Variants in FAM185A observed in about 807,000 individuals in gnomAD.
FAM185A encodes family with sequence similarity 185 member A.
In FAM185A, 21 loss-of-function variants were observed where a neutral mutation model predicts 45.7. The ratio of observed to expected loss-of-function variants is 0.46; its 90% CI spans 0.33 to 0.66. The LOEUF (loss-of-function observed/expected upper bound fraction) is 0.66, where lower values mean the gene tolerates loss of function less well. Among genes scored for constraint, FAM185A ranks in the 30% least tolerant of loss-of-function variants. FAM185A has a pLI of 0.03. For missense variants in FAM185A, 305 were observed against 485.4 expected (o/e 0.63, Z 3.49); for synonymous variants, 117 against 194.0 (o/e 0.60, Z 3.30).
intron 6 of FAM185A, among the ~76,000 whole-genome samples, chr7:102,784,791 C>G (rs1183389646): frequency 2.6e-5 from 4 of 152,184 alleles, no homozygotes; most frequent in African/African-American, 4.8e-5. Flanking sequence ...GATGCCCTCT[C>G]TCACCACTCC....
At chr7:102,801,488 A>G (rs1796787551) in intron 7 of FAM185A, among the ~76,000 whole-genome samples, 2 of 152,232 alleles carry the variant, frequency 1.3e-5, no homozygotes, top group Admixed American at 1.3e-4. Context: ...TACTGCTTGA[A>G]GAGACTCACC....
intron 7 of FAM185A, among the ~76,000 whole-genome samples, chr7:102,805,064 A>G (rs1297171847): frequency 6.6e-6 from 1 of 152,194 alleles, no homozygotes; most frequent in East Asian, 1.9e-4. Context: ...ATCAGGTTAG[A>G]CTTCTACACT....
At chr7:102,786,667 G>A (rs534037624) in intron 6 of FAM185A, among the ~76,000 whole-genome samples, 35 of 152,196 alleles carry the variant, frequency 2.3e-4, no homozygotes, top group Admixed American at 1.6e-3. Context: ...ATCACACACC[G>A]GGGCCTGTTG....
At chr7:102,751,074 C>T (rs12671353) in intron 1 of FAM185A, among the ~76,000 whole-genome samples, 5,074 of 152,200 alleles carry the variant, frequency 0.033, 173 homozygotes, top group East Asian at 0.15. Flanking sequence ...CTACCATGCC[C>T]GGCTAATGTT....
the FAM185A span, among the ~76,000 whole-genome samples, chr7:102,819,802 A>G: frequency 4.3e-3 from 651 of 152,292 alleles, 6 homozygotes; most frequent in African/African-American, 0.015. Context: ...AGCATAGGTA[A>G]GGGATTAGAG....
chr7:102,832,789 C>A, the FAM185A span: 1 of 1,609,494 alleles, frequency 6.2e-7, no homozygotes, highest in Non-Finnish European at 8.5e-7. Context: ...CTGCCTTGTC[C>A]CTTGGCAGTG....
intron 7 of FAM185A, among the ~76,000 whole-genome samples, chr7:102,804,173 G>C (rs1195566797): frequency 6.6e-6 from 1 of 152,132 alleles, no homozygotes; most frequent in Non-Finnish European, 1.5e-5. Context: ...CACAGAGTTA[G>C]AGAAAACAAT....
chr7:102,844,194 T>A, the FAM185A span, among the ~76,000 whole-genome samples: 1 of 152,250 alleles, frequency 6.6e-6, no homozygotes, highest in East Asian at 1.9e-4. Flanking sequence ...GATACTTTTT[T>A]ATAATTAACT....
At chr7:102,766,854 G>A (rs11970884) in intron 4 of FAM185A, among the ~76,000 whole-genome samples, 12,927 of 151,900 alleles carry the variant, frequency 0.085, 623 homozygotes, top group East Asian at 0.2. Context: ...TGAGTGTGAT[G>A]GCTTGATCTC....
chr7:102,760,631 T>C (rs919886860), intron 3 of FAM185A, among the ~76,000 whole-genome samples: 6 of 152,140 alleles, frequency 3.9e-5, no homozygotes, highest in African/African-American at 1.4e-4. Flanking sequence ...AATGGTGAAA[T>C]GTTGTAAACT....
intron 2 of FAM185A, among the ~76,000 whole-genome samples, chr7:102,752,512 C>T (rs886577788): frequency 3.3e-5 from 5 of 151,806 alleles, no homozygotes; most frequent in Admixed American, 1.3e-4. Flanking sequence ...CCTCGTGATC[C>T]GCCTGCCTTG....
At chr7:102,802,654 AC>A (rs1796864095) in intron 7 of FAM185A, among the ~76,000 whole-genome samples, 1 of 152,174 alleles carries the variant, frequency 6.6e-6, no homozygotes, top group Admixed American at 6.5e-5. Flanking sequence ...AGAAACAAGA[AC>A]AAACCAAACC....
At chr7:102,770,714 C>T (rs538095530) in intron 4 of FAM185A, among the ~76,000 whole-genome samples, 6 of 152,238 alleles carry the variant, frequency 3.9e-5, no homozygotes, top group Non-Finnish European at 8.8e-5. Flanking sequence ...ACAACAGACG[C>T]TGGCGAGGCT....
intron 6 of FAM185A, among the ~76,000 whole-genome samples, chr7:102,780,751 G>T: frequency 6.6e-6 from 1 of 152,224 alleles, no homozygotes; most frequent in Non-Finnish European, 1.5e-5. Context: ...GAAGACAGGT[G>T]ATTTTTACAT....
chr7:102,805,813 G>A (rs976746800), intron 7 of FAM185A, among the ~76,000 whole-genome samples: 1 of 152,136 alleles, frequency 6.6e-6, no homozygotes, highest in Non-Finnish European at 1.5e-5. Context: ...GAAGCAGGGG[G>A]GCTGCAGGTT....
intron 6 of FAM185A, among the ~76,000 whole-genome samples, chr7:102,777,596 GTTA>G (rs1795145027): frequency 2.0e-5 from 3 of 151,594 alleles, no homozygotes; most frequent in Non-Finnish European, 2.9e-5. Flanking sequence ...TATTTTGACT[GTTA>G]TTATGGAATT....
intron 7 of FAM185A, among the ~76,000 whole-genome samples, chr7:102,806,939 C>A (rs1797151516): frequency 6.6e-6 from 1 of 152,072 alleles, no homozygotes; most frequent in Non-Finnish European, 1.5e-5. Context: ...GGGGAGCAAG[C>A]TGCACAGAGG....
chr7:102,775,965 G>C lies in FAM185A; in HGVS notation c.836-1288G>C, dbSNP rs1400124361. 3.3e-5 allele frequency among the ~76,000 whole-genome samples: 5 copies of C among 152,048 alleles called. No individual in the cohort carries two copies. In the East Asian group the frequency reaches 9.6e-4, roughly 29 times the overall value. On this transcript the variant is annotated intron_variant, in intron 5 of 7. Transcript: ENST00000413034. ...CTAAATAAATTGAGTCTGATAAAGG[G>C]CATTTTCCAGTATAGATTGGAAATA...
chr7:102,839,847 C>G, the FAM185A span, among the ~76,000 whole-genome samples: 1 of 151,944 alleles, frequency 6.6e-6, no homozygotes, highest in East Asian at 1.9e-4. Flanking sequence ...TATATTTAAA[C>G]ATATAAAATA....
Sources: allele counts gnomAD v4.1 joint callset (sites outside exome capture counted in the v4.1 genomes callset), GRCh38; gene constraint gnomAD v4.1.1; transcripts MANE v1.5; gene names NCBI Gene and HGNC (gene_info 2026-07-23, HGNC 2026-07-21).